Variants in LRRC66 observed in about 807,000 individuals in gnomAD.
LRRC66 encodes the protein leucine-rich repeat-containing protein 66.
In LRRC66, 29 loss-of-function variants were observed where a neutral mutation model predicts 24.6. The observed-to-expected ratio is 1.18, with a 90% CI of 0.88 to 1.61. The LOEUF (loss-of-function observed/expected upper bound fraction) is 1.61, where lower values mean the gene tolerates loss of function less well. Ranked by LOEUF, LRRC66 falls within the 40% of genes most tolerant of loss-of-function variation. LRRC66 has a pLI of 0.00. For synonymous variants in LRRC66, 411 were observed against 397.6 expected (o/e 1.03, Z -0.40); for missense variants, 1,124 against 1,058.0 (o/e 1.06, Z -0.87).
At position 51,994,640 on chromosome 4, in the gene LRRC66, A is replaced by C; in HGVS notation, c.2382T>G (p.Ser794=). The C allele has an allele frequency of 6.2e-7, 1 of 1,614,182 alleles. No individual in the cohort carries two copies. Among genetic ancestry groups the C allele is most frequent in the Non-Finnish European group, 8.5e-7 (1 of 1,180,018 alleles). ...ACAGGCCCTCAGATCTATCAGTGTC[A>C]GAGGCATTTTCCAGATGAGTCTTGT... ...GMYKTHLENA[S]DTDRSEGLSP... is the part of the protein sequence containing the mutation. Residue 794 remains serine, a synonymous_variant, in exon 5 of 5, where the codon TCT becomes TCG. Transcript: ENST00000682860.
In LRRC66 at chr4:51,994,179, C is replaced by T. The variant is rs1736231575; in HGVS notation, c.*200G>A. On this transcript the variant is annotated 3_prime_UTR_variant, in exon 5 of 5. Coordinates refer to ENST00000682860, the MANE Select transcript of LRRC66 (RefSeq NM_001024611.3). Reference sequence around the variant, plus strand: ...CAGGTTCATCCCCATAGGATGTTAACAAGTGTGTTTAGCTTATAACCCTTC... The same window carrying T: ...CAGGTTCATCCCCATAGGATGTTAATAAGTGTGTTTAGCTTATAACCCTTC... The T allele has an allele frequency of 1.1e-5, 6 of 561,716 alleles. No individual in the cohort carries two copies. The highest frequency in any genetic ancestry group is 1.9e-5 in the Non-Finnish European group (6 of 321,894). 34.8% of individuals were successfully genotyped at this position (561,716 alleles called of 1,614,324 possible).
intron 2 of LRRC66, among the ~76,000 whole-genome samples, chr4:52,011,698 T>A (rs1284839239): frequency 6.6e-6 from 1 of 152,204 alleles, no homozygotes; most frequent in Non-Finnish European, 1.5e-5. Context: ...CCAGGCACTA[T>A]GAGAGATGTT....
intron 3 of LRRC66, among the ~76,000 whole-genome samples, chr4:52,000,932 A>G (rs1300287896): frequency 1.3e-5 from 2 of 152,226 alleles, no homozygotes; most frequent in African/African-American, 2.4e-5. Context: ...TTAAGCTGGT[A>G]AGTTTGTAGT....
Position 51,995,713 on chromosome 4 carries a change from G to A in LRRC66, c.1309C>T (p.His437Tyr), listed in dbSNP as rs1452605131. Residue 437 changes from histidine to tyrosine, a missense_variant, in exon 5 of 5, where the codon CAC (histidine) becomes TAC (tyrosine). His to Tyr is a moderately conservative substitution (Grantham distance 83). Transcript: ENST00000682860. ...ACTTGGCGCAGATGGGTCTCTGGGTGTGGTGTGTGCCCCGCAGCTTCCATG... is the reference window on the plus strand; with the variant it reads ...ACTTGGCGCAGATGGGTCTCTGGGTATGGTGTGTGCCCCGCAGCTTCCATG... The part of the protein sequence containing the change: ...DDMEAAGHTP[H>Y]PETHLRQVFP... The A allele has an allele frequency of 6.2e-7, 1 of 1,614,194 alleles. No individual in the cohort carries two copies. The highest frequency in any genetic ancestry group is 1.7e-5 in the Admixed American group (1 of 60,032).
In LRRC66 at chr4:52,003,205, TA is replaced by T; in HGVS notation, c.666+17del. On this transcript the variant is annotated intron_variant, in intron 3 of 4. Transcript: ENST00000682860. ...ATGTGTCTTCCTTATTCAAATATTA[TA>T]AAAATGATTTTAGAACCTGTAATTT... The T allele has an allele frequency of 1.3e-6, 2 of 1,585,632 alleles. No homozygotes were observed. Among genetic ancestry groups the T allele is most frequent in the Non-Finnish European group, 1.7e-6 (2 of 1,162,270 alleles).
rs147459319 is a variant in LRRC66 at position 52,011,715 on chromosome 4, G to T, written c.496+5403C>A. Reference sequence around the variant, plus strand: ...AGGCACTATGAGAGATGTTTTACATGTATCATCACTCTATGTGTTATAGTC... The same window carrying T: ...AGGCACTATGAGAGATGTTTTACATTTATCATCACTCTATGTGTTATAGTC... On this transcript the variant is annotated intron_variant, in intron 2 of 4. Transcript: ENST00000682860. Among the ~76,000 whole-genome samples the T allele has an allele frequency of 3.3e-5, 5 of 152,274 alleles. No homozygotes were observed. The East Asian group carries it at 9.6e-4, about 29-fold the overall frequency.
chr4:52,017,111 T>C lies in LRRC66; in HGVS notation c.496+7A>G, dbSNP rs905661166. On this transcript the variant is annotated splice_region_variant and intron_variant, in intron 2 of 4. Coordinates refer to ENST00000682860, the MANE Select transcript of LRRC66 (RefSeq NM_001024611.3). Reference sequence around the variant, plus strand: ...TTGTTTCTCTGCCTAGTTAAAATTGTACTCACCCTTGGGAGTGTCACTGAG... The same window carrying C: ...TTGTTTCTCTGCCTAGTTAAAATTGCACTCACCCTTGGGAGTGTCACTGAG... 4 of 1,597,888 alleles carry C rather than the reference T, an allele frequency of 2.5e-6. No homozygotes were observed. The highest frequency in any genetic ancestry group is 3.4e-6 in the Non-Finnish European group (4 of 1,173,168).
chr4:51,997,669 T>C (rs1300457831), intron 4 of LRRC66, 79 bp downstream of exon 4: 5 of 1,340,774 alleles, frequency 3.7e-6, no homozygotes, highest in Non-Finnish European at 4.2e-6. Context: ...GGGACTGTCA[T>C]TATTTCAAAA....
intron 2 of LRRC66, among the ~76,000 whole-genome samples, chr4:52,004,651 A>C (rs1017422948): frequency 6.6e-6 from 1 of 152,210 alleles, no homozygotes; most frequent in African/African-American, 2.4e-5. Flanking sequence ...TGTGTCTTTA[A>C]TCAACATAAC....
In LRRC66 at chr4:51,993,989, T is replaced by G. The variant is rs1000426744; in HGVS notation, c.*390A>C. The G allele has an allele frequency of 3.0e-5, 5 of 167,680 alleles. No homozygotes were observed. Among genetic ancestry groups the G allele is most frequent in the Non-Finnish European group, 6.4e-5 (5 of 78,394 alleles). The allele number at this position is 167,680 out of a possible 1,614,324, so 10.4% of individuals were successfully genotyped here. ...TTTGAGAAGGAAAGTTAGAACCACT[T>G]CGTCTAACTGCAACAGATTCTCTTC... On this transcript the variant is annotated 3_prime_UTR_variant, in exon 5 of 5. Transcript: ENST00000682860.
chr4:51,999,821 T>A (rs1736406613), intron 3 of LRRC66, among the ~76,000 whole-genome samples: 1 of 152,164 alleles, frequency 6.6e-6, no homozygotes, highest in Admixed American at 6.5e-5. Flanking sequence ...ATGGAAAGGT[T>A]GGGAGAAGCA....
intron 2 of LRRC66, among the ~76,000 whole-genome samples, chr4:52,016,587 T>G (rs1273917785): frequency 6.6e-6 from 1 of 152,130 alleles, no homozygotes; most frequent in East Asian, 1.9e-4. Context: ...TGTTAGAAAC[T>G]AGGATAAGGA....
In LRRC66 at chr4:51,994,096, T is replaced by C. The variant is rs142905075; in HGVS notation, c.*283A>G. 2.1e-4 allele frequency: 69 copies of C among 331,326 alleles called. No homozygotes were observed. Among genetic ancestry groups the C allele is most frequent in the African/African-American group, 1.3e-3 (61 of 47,120 alleles). 20.5% of individuals were successfully genotyped at this position (331,326 alleles called of 1,614,324 possible). A position where few individuals can be genotyped will look rare whatever the true frequency, so the allele number is the denominator to read the frequency against. ...TTGTTTGGAGCTCTTGTAATAATGG[T>C]GCATGGTTCTTGGAATGATCTCAAA... On this transcript the variant is annotated 3_prime_UTR_variant, in exon 5 of 5. Transcript: ENST00000682860.
rs185646058 is a variant in LRRC66, at chr4:51,994,532, A to G, written c.2490T>C (p.Leu830=). 7 of 1,614,200 alleles carry G rather than the reference A, an allele frequency of 4.3e-6. No individual in the cohort carries two copies. The highest frequency in any genetic ancestry group is 1.7e-5 in the Admixed American group (1 of 60,028). ...GMFTYDYDTA[L]QSKAAEWHCS... ...AATGCCATTCTGCTGCCTTGGATTG[A>G]AGAGCTGTGTCATAATCATAAGTGA... is the stretch of plus-strand genomic sequence containing the variant. The change falls in exon 5 of 5, where the codon CTT becomes CTC. Residue 830 remains leucine, a synonymous_variant. Transcript: ENST00000682860.
Position 51,996,101 on chromosome 4 carries a change from G to C in LRRC66, c.921C>G (p.Pro307=), listed in dbSNP as rs1418738520. ...GGCTTTTCATGCGATGCAGATGAAT[G>C]GGAGGAAGGCGGGTTTCCCTGGAAA... ...SRISRETRLP[P]IHLHRMKSLI... is the part of the protein sequence containing the mutation. Residue 307 remains proline (P), a synonymous_variant, in exon 5 of 5, where the codon CCC becomes CCG. Transcript: ENST00000682860. 12 of 1,613,986 alleles carry C rather than the reference G, an allele frequency of 7.4e-6. No individual in the cohort carries two copies. Among genetic ancestry groups the C allele is most frequent in the African/African-American group, 1.3e-5 (1 of 74,904 alleles).
intron 2 of LRRC66, among the ~76,000 whole-genome samples, chr4:52,016,809 A>G (rs1365039441): frequency 1.3e-5 from 2 of 152,182 alleles, no homozygotes; most frequent in Non-Finnish European, 2.9e-5. Flanking sequence ...TATATTAACT[A>G]ATACATGATA....
Position 52,003,355 on chromosome 4 carries a change from C to A in LRRC66, c.534G>T (p.Leu178=), listed in dbSNP as rs776285084. The change falls in exon 3 of 5, where the codon CTG becomes CTT. Residue 178 remains leucine (L), a synonymous_variant. Coordinates refer to ENST00000682860, the MANE Select transcript of LRRC66 (RefSeq NM_001024611.3). ...CTATTTGCAATATCCCATTGAATGA[C>A]AGATCCAAACTCTGCAATGACTTCA... The part of the protein sequence containing the change: ...WKLKSLQSLD[L]SFNGILQIGW... 9.3e-6 allele frequency: 15 copies of A among 1,613,480 alleles called. No individual in the cohort carries two copies. The highest frequency in any genetic ancestry group is 1.2e-5 in the Non-Finnish European group (14 of 1,179,838).
intron 3 of LRRC66, among the ~76,000 whole-genome samples, 176 bp from the exon 4 acceptor site, chr4:51,998,113 TTA>T (rs566234692): frequency 1.4e-4 from 22 of 152,234 alleles, no homozygotes; most frequent in Non-Finnish European, 2.6e-4. Context: ...CCTAAAAAGT[TTA>T]TGAGTCTTGA....
At position 51,994,409 on chromosome 4, in the gene LRRC66, G is replaced by C; in HGVS notation, c.2613C>G (p.Phe871Leu). The C allele has an allele frequency of 6.2e-7, 1 of 1,612,428 alleles. No individual in the cohort carries two copies. The highest frequency in any genetic ancestry group is 8.5e-7 in the Non-Finnish European group (1 of 1,179,532). ...TTAAAATGTCTGAGTCTCTTTCATG[G>C]AAGGCAGCCTTATCAGGATCTGAGG... is the stretch of plus-strand genomic sequence containing the variant. ...EVPSDPDKAA[F>L]HERDSDILK Residue 871 changes from phenylalanine to leucine, a missense_variant, in exon 5 of 5, where the codon TTC becomes TTG. Coordinates refer to ENST00000682860, the MANE Select transcript of LRRC66 (RefSeq NM_001024611.3).
Sources: allele counts gnomAD v4.1 joint callset (sites outside exome capture counted in the v4.1 genomes callset), GRCh38; gene constraint gnomAD v4.1.1; transcripts MANE v1.5; gene names NCBI Gene and HGNC (gene_info 2026-07-23, HGNC 2026-07-21).